MTMR1: variants seen among roughly 807,000 people sequenced by gnomAD.
MTMR1 encodes phosphatidylinositol-3-phosphate phosphatase MTMR1.
A neutral mutation model predicts 51.6 loss-of-function variants in MTMR1; 17 were observed. That is an observed-to-expected ratio of 0.33 (90% CI 0.23 to 0.49). MTMR1 has a LOEUF of 0.49. MTMR1 is among the 20% of genes least tolerant of loss of function. MTMR1 has a pLI of 0.99. For synonymous variants in MTMR1, 201 were observed against 205.6 expected (o/e 0.98, Z 0.19); for missense variants, 386 against 526.9 (o/e 0.73, Z 2.62).
At chrX:150,693,338 G>A, upstream of MTMR1, 2 of 499,150 alleles carry the variant, frequency 4.0e-6, no homozygotes, top group Non-Finnish European at 4.9e-6. Context: ...CCCCGCCCCC[G>A]CTCCCGCCCC....
rs1557417399 is a variant in MTMR1 at position 150,744,430 on chromosome X, T to G, written c.1543T>G (p.Cys515Gly). 8.3e-7 allele frequency: 1 copy of G among 1,210,442 alleles called. No individual in the cohort carries two copies. Among genetic ancestry groups the G allele is most frequent in the Admixed American group, 2.2e-5 (1 of 46,032 alleles). Residue 515 changes from cysteine to glycine, a missense_variant, in exon 13 of 16, where the codon TGT becomes GGT. Physicochemically the swap from Cys to Gly is radical, Grantham distance 159 (BLOSUM62 -3). Coordinates refer to ENST00000445323, the MANE Select transcript of MTMR1 (RefSeq NM_001306144.3). ...TCCCATATTTCTGCAGTTTGTTGAT[T>G]GTGTTTGGCAAATGACAAGGCAGGT... ...RSPIFLQFVDCVWQMTRQFPS... is the reference protein window; with the variant it reads ...RSPIFLQFVDGVWQMTRQFPS...
In MTMR1 at chrX:150,730,572, G is replaced by T; in HGVS notation, c.705G>T (p.Trp235Cys). The T allele has an allele frequency of 8.6e-7, 1 of 1,165,744 alleles. No individual in the cohort carries two copies. Among genetic ancestry groups the T allele is most frequent in the Non-Finnish European group, 1.2e-6 (1 of 866,011 alleles). Residue 235 changes from tryptophan to cysteine, a missense_variant, in exon 8 of 16, where the codon TGG (tryptophan) becomes TGT (cysteine). By Grantham distance (215) the Trp-to-Cys change is radical (BLOSUM62 -2). Coordinates refer to ENST00000445323, the MANE Select transcript of MTMR1 (RefSeq NM_001306144.3). ...SYKEKFPING[W>C]KVYDPVSEYK... ...AAGAAAAATTTCCAATTAATGGCTG[G>T]AAAGTTTATGATCCAGTATCTGAAT...
chrX:150,751,189 C>T (rs2042721206), intron 14 of MTMR1: 1 of 825,685 alleles, frequency 1.2e-6, no homozygotes, highest in Non-Finnish European at 1.5e-6. Context: ...CCAGATCATA[C>T]TTGAAGGCCT....
At chrX:150,735,586 C>T (rs181769813) in intron 10 of MTMR1, 1 of 433,616 alleles carries the variant, frequency 2.3e-6, no homozygotes, top group Middle Eastern at 3.4e-4. Flanking sequence ...AATTGGACTT[C>T]TGCCTCACAC....
At position 150,693,635 on chromosome X, in the gene MTMR1, C is replaced by T. The variant is rs1387770653; in HGVS notation, c.105C>T (p.Ala35=). The T allele has an allele frequency of 2.6e-6, 2 of 755,357 alleles. No homozygotes were observed. The highest frequency in any genetic ancestry group is 3.1e-6 in the Non-Finnish European group (2 of 641,586). The allele number at this position is 755,357 out of a possible 1,213,427, so 62.2% of individuals were successfully genotyped here. A position where few individuals can be genotyped will look rare whatever the true frequency, so the allele number is the denominator to read the frequency against. The change falls in exon 1 of 16, where the codon GCC becomes GCT. Residue 35 remains alanine (A), a synonymous_variant. Coordinates refer to ENST00000445323, the MANE Select transcript of MTMR1 (RefSeq NM_001306144.3). ...GGCCTCCTCGGGCCGCGGGGGGCGC[C>T]ACCGCCGGCTCCCGGCAGCCCAGCG... is the stretch of plus-strand genomic sequence containing the variant. ...GRRPPRAAGG[A]TAGSRQPSVE... is the part of the protein sequence containing the mutation.
At chrX:150,760,796 G>A (rs888755439) in intron 15 of MTMR1, among the ~76,000 whole-genome samples, 89 of 110,239 alleles carry the variant, frequency 8.1e-4, no homozygotes, top group African/African-American at 1.3e-3. Context: ...CAGTGGTGGC[G>A]GGCGCCTGTA....
At chrX:150,714,522 C>T in intron 3 of MTMR1, 1 of 981,598 alleles carries the variant, frequency 1.0e-6, no homozygotes, top group Non-Finnish European at 1.3e-6. Flanking sequence ...GAAGCTGAAG[C>T]TGATCAGGTG....
chrX:150,746,511 A>G (rs2042580061), intron 13 of MTMR1, among the ~76,000 whole-genome samples: 1 of 112,815 alleles, frequency 8.9e-6, no homozygotes, highest in South Asian at 3.6e-4. Flanking sequence ...AGGTTAGGAC[A>G]AGAAAGTATG....
At position 150,736,583 on chromosome X, in the gene MTMR1, T is replaced by G; in HGVS notation, c.1081-12T>G. ...TCCAGATAATGTGATGTATTTGTTTTGTTTTTCGTAGACAAAGGGTGGAGG... is the reference window on the plus strand; with the variant it reads ...TCCAGATAATGTGATGTATTTGTTTGGTTTTTCGTAGACAAAGGGTGGAGG... On this transcript the variant is annotated splice_polypyrimidine_tract_variant and intron_variant, in intron 10 of 15. Coordinates refer to ENST00000445323, the MANE Select transcript of MTMR1 (RefSeq NM_001306144.3). 1 of 1,199,359 alleles carries G rather than the reference T, an allele frequency of 8.3e-7. No homozygotes were observed. The highest frequency in any genetic ancestry group is 1.1e-6 in the Non-Finnish European group (1 of 887,785).
intron 2 of MTMR1, among the ~76,000 whole-genome samples, chrX:150,699,894 C>T (rs2148549427): frequency 8.9e-6 from 1 of 112,473 alleles, no homozygotes; most frequent in South Asian, 3.7e-4. Flanking sequence ...AGGCACAATC[C>T]TGGAGCATAA....
intron 15 of MTMR1, among the ~76,000 whole-genome samples, chrX:150,762,348 G>C (rs1357164202): frequency 9.0e-6 from 1 of 111,703 alleles, no homozygotes; most frequent in South Asian, 3.7e-4. Context: ...TCAGCGGCTC[G>C]GCCCCCGGAG....
At chrX:150,713,191 T>C (rs1341873355) in intron 3 of MTMR1, among the ~76,000 whole-genome samples, 1 of 112,323 alleles carries the variant, frequency 8.9e-6, no homozygotes, top group African/African-American at 3.2e-5. Flanking sequence ...TGGGAATCAT[T>C]TTCTTTCATT....
At chrX:150,743,463 C>T (rs1210557566) in intron 12 of MTMR1, among the ~76,000 whole-genome samples, 3 of 112,312 alleles carry the variant, frequency 2.7e-5, no homozygotes, top group African/African-American at 6.5e-5. Flanking sequence ...TATTTCACCA[C>T]AATTAAAATT....
chrX:150,726,069 G>A (rs2041913213), intron 4 of MTMR1, among the ~76,000 whole-genome samples: 1 of 111,983 alleles, frequency 8.9e-6, no homozygotes, highest in Admixed American at 9.5e-5. Flanking sequence ...CTGGTCCATG[G>A]CCTGTTAGGA....
chrX:150,706,167 G>A (rs782305151), intron 2 of MTMR1, among the ~76,000 whole-genome samples: 3 of 111,233 alleles, frequency 2.7e-5, no homozygotes, highest in Non-Finnish European at 3.8e-5. Flanking sequence ...GCTCAGATCC[G>A]TCTTCCTATA....
chrX:150,705,328 C>T (rs2041059626), intron 2 of MTMR1, among the ~76,000 whole-genome samples: 1 of 111,517 alleles, frequency 9.0e-6, no homozygotes, highest in African/African-American at 3.3e-5. Context: ...CTGGAAGCTC[C>T]CCAAATTTGG....
At chrX:150,759,582 TAGA>T (rs2148680431) in intron 15 of MTMR1, among the ~76,000 whole-genome samples, 1 of 108,818 alleles carries the variant, frequency 9.2e-6, no homozygotes, top group East Asian at 2.8e-4. Flanking sequence ...CAGAGAGGGT[TAGA>T]GTGGTGTCCC....
At chrX:150,744,160 T>TA (rs1395106207) in intron 12 of MTMR1, among the ~76,000 whole-genome samples, 1 of 112,362 alleles carries the variant, frequency 8.9e-6, no homozygotes, top group Non-Finnish European at 1.9e-5. Flanking sequence ...AAACAACATG[T>TA]AAAAATACTG....
intron 1 of MTMR1, among the ~76,000 whole-genome samples, chrX:150,697,016 C>A (rs2040703072): frequency 8.9e-6 from 1 of 111,951 alleles, no homozygotes; most frequent in African/African-American, 3.3e-5. Flanking sequence ...GCATGCCGGG[C>A]AGGCAGGTGG....
Sources: gnomAD v4.1 joint callset for allele counts (sites outside exome capture counted in the v4.1 genomes callset) on GRCh38, gnomAD v4.1.1 for gene constraint, MANE v1.5 for transcripts, NCBI Gene and HGNC (gene_info 2026-07-23, HGNC 2026-07-21) for gene names.